RASEF: variants seen among roughly 807,000 people sequenced by gnomAD.
RASEF encodes the protein ras and EF-hand domain-containing protein.
Under a neutral mutation model 90.1 loss-of-function variants are expected in RASEF, and 68 were observed. The observed-to-expected ratio is 0.75, with a 90% CI of 0.62 to 0.92. The LOEUF (loss-of-function observed/expected upper bound fraction) is 0.92, where lower values mean the gene tolerates loss of function less well. Among genes scored for constraint, RASEF ranks in the 40% least tolerant of loss-of-function variants. The pLI is 0.00. For synonymous variants in RASEF, 331 were observed against 345.2 expected, an observed-to-expected ratio of 0.96 and a Z score of 0.46; for missense variants, 949 against 937.2, an observed-to-expected ratio of 1.01 and a Z score of -0.16.
At chr9:82,997,236 C>G in intron 13 of RASEF, 110 bp from the exon 14 acceptor site, 1 of 701,752 alleles carries the variant, frequency 1.4e-6, no homozygotes. Context: ...TGAGAAGACT[C>G]TAACTGCAAT....
chr9:83,208,342 T>C, the RASEF span, among the ~76,000 whole-genome samples: 1 of 152,214 alleles, frequency 6.6e-6, no homozygotes. Flanking sequence ...GGAAACTCTC[T>C]GCATTTCCTG....
chr9:82,990,328 C>T, intron 16 of RASEF, 63 bp downstream of exon 16: 1 of 1,096,654 alleles, frequency 9.1e-7, no homozygotes, highest in Admixed American at 1.7e-5. Flanking sequence ...ACATTATGGA[C>T]AAGAAATGTG....
At chr9:83,128,044 T>C in the RASEF span, among the ~76,000 whole-genome samples, 1 of 151,450 alleles carries the variant, frequency 6.6e-6, no homozygotes, top group Non-Finnish European at 1.5e-5. Flanking sequence ...TTTTTTTGTT[T>C]TGCAAAAGCT....
chr9:83,150,762 T>G, the RASEF span, among the ~76,000 whole-genome samples: 1 of 152,320 alleles, frequency 6.6e-6, no homozygotes, highest in African/African-American at 2.4e-5. Context: ...TAAGTTCTGT[T>G]TATTCATCTT....
intron 1 of RASEF, among the ~76,000 whole-genome samples, chr9:83,049,528 CCTT>C (rs1830001309): frequency 2.7e-5 from 2 of 73,520 alleles, no homozygotes; most frequent in South Asian, 5.2e-4. Context: ...TTTCTGCCTT[CCTT>C]TTTTTTTTTT....
the RASEF span, among the ~76,000 whole-genome samples, chr9:83,163,223 T>C: frequency 6.6e-6 from 1 of 152,140 alleles, no homozygotes; most frequent in African/African-American, 2.4e-5. Context: ...TGAAACCTAA[T>C]AGTAGGACAA....
the RASEF span, among the ~76,000 whole-genome samples, chr9:83,160,980 C>A: frequency 2.6e-5 from 4 of 152,128 alleles, no homozygotes; most frequent in African/African-American, 9.7e-5. Context: ...AGAACCTCCA[C>A]CTAGATTTCG....
At chr9:83,011,263 A>T (rs1829237367) in intron 5 of RASEF, among the ~76,000 whole-genome samples, 1 of 152,168 alleles carries the variant, frequency 6.6e-6, no homozygotes. Context: ...TCCAATAAGA[A>T]CTGAAATTTT....
chr9:83,198,172 T>C, the RASEF span, among the ~76,000 whole-genome samples: 1 of 152,126 alleles, frequency 6.6e-6, no homozygotes, highest in Non-Finnish European at 1.5e-5. Flanking sequence ...ACTCCCCAAA[T>C]AATGTTTTCC....
At chr9:83,037,271 G>T (rs1829759526) in intron 1 of RASEF, among the ~76,000 whole-genome samples, 1 of 151,848 alleles carries the variant, frequency 6.6e-6, no homozygotes, top group African/African-American at 2.4e-5. Context: ...CTTCAAAAAG[G>T]TAAATGAGGC....
the RASEF span, among the ~76,000 whole-genome samples, chr9:83,171,542 A>C: frequency 1.3e-5 from 2 of 151,894 alleles, no homozygotes; most frequent in Admixed American, 1.3e-4. Flanking sequence ...GAATTCTAGC[A>C]GTGAAGGCAT....
the RASEF span, among the ~76,000 whole-genome samples, chr9:83,183,770 C>G: frequency 6.6e-5 from 10 of 152,212 alleles, no homozygotes; most frequent in Non-Finnish European, 1.5e-4. Flanking sequence ...GAAATTAAAA[C>G]TGTTCGTCTC....
the RASEF span, among the ~76,000 whole-genome samples, chr9:83,199,152 A>G: frequency 6.7e-6 from 1 of 150,362 alleles, no homozygotes; most frequent in South Asian, 2.1e-4. Flanking sequence ...TGGTTTGCAC[A>G]TTCGGAAGTT....
rs765991793 is a variant in RASEF at position 82,990,422 on chromosome 9, T to A, written c.2086A>T (p.Asn696Tyr). Reference sequence around the variant, plus strand: ...AGGTGCAGAACAGCCTCCACTATGTTAGAACCATCTTTGGCACTTGTTTCA... The same window carrying A: ...AGGTGCAGAACAGCCTCCACTATGTAAGAACCATCTTTGGCACTTGTTTCA... Reference protein sequence around the residue: ...FCETSAKDGSNIVEAVLHLAR... With the variant: ...FCETSAKDGSYIVEAVLHLAR... The change falls in exon 16 of 17, where the codon AAC becomes TAC. Residue 696 changes from asparagine (N) to tyrosine (Y), a missense_variant. This residue lies in a region of RASEF where 288 missense variants were observed against 328.4 expected (regional missense o/e 0.88). Coordinates refer to ENST00000376447, the MANE Select transcript of RASEF (RefSeq NM_152573.4). 6.2e-7 allele frequency: 1 copy of A among 1,613,932 alleles called. No individual in the cohort carries two copies. The highest frequency in any genetic ancestry group is 8.5e-7 in the Non-Finnish European group (1 of 1,179,856).
chr9:83,027,669 G>A (rs916689052), intron 1 of RASEF, among the ~76,000 whole-genome samples: 1 of 152,184 alleles, frequency 6.6e-6, no homozygotes, highest in African/African-American at 2.4e-5. Context: ...TCTGAAAGAG[G>A]ATAAAGGAAC....
the RASEF span, among the ~76,000 whole-genome samples, chr9:83,167,126 A>G: frequency 6.6e-6 from 1 of 152,246 alleles, no homozygotes; most frequent in Middle Eastern, 3.4e-3. Flanking sequence ...TAAGGATTTA[A>G]TTAGTTAATA....
At chr9:83,008,129 C>T (rs146267232) in intron 6 of RASEF, among the ~76,000 whole-genome samples, 1,547 of 152,210 alleles carry the variant, frequency 0.01, 11 homozygotes, top group Middle Eastern at 0.027. Context: ...CCCCAAACTG[C>T]TCAGAACACT....
the RASEF span, among the ~76,000 whole-genome samples, chr9:83,117,959 T>C: frequency 6.6e-6 from 1 of 152,218 alleles, no homozygotes; most frequent in South Asian, 2.1e-4. Flanking sequence ...TTCTTGAAAC[T>C]GGAAGGTCTA....
intron 16 of RASEF, among the ~76,000 whole-genome samples, chr9:82,989,758 C>T (rs1828777088): frequency 6.6e-6 from 1 of 151,942 alleles, no homozygotes; most frequent in South Asian, 2.1e-4. Flanking sequence ...TATTTAATCC[C>T]TCTAGGCCAG....
Sources: allele counts gnomAD v4.1 joint callset (sites outside exome capture counted in the v4.1 genomes callset), GRCh38; gene constraint gnomAD v4.1.1; regional missense constraint gnomAD v4.1.1; transcripts MANE v1.5; gene names NCBI Gene and HGNC (gene_info 2026-07-23, HGNC 2026-07-21).